Variants in SPAG16 observed in about 807,000 individuals in gnomAD.
SPAG16 encodes sperm associated antigen 16.
In SPAG16, 86 loss-of-function variants were observed where a neutral mutation model predicts 80.4. The ratio of observed to expected loss-of-function variants is 1.07; its 90% CI spans 0.90 to 1.28. SPAG16 has a LOEUF of 1.28. Among genes scored for constraint, SPAG16 ranks in the 50% most tolerant of loss-of-function variants. The pLI is 0.00. For synonymous variants in SPAG16, 294 were observed against 265.9 expected (o/e 1.11, Z -1.03); for missense variants, 870 against 765.3 (o/e 1.14, Z -1.61).
chr2:213,388,656 T>A (rs1481747136), intron 9 of SPAG16, among the ~76,000 whole-genome samples: 2 of 152,144 alleles, frequency 1.3e-5, no homozygotes, highest in Non-Finnish European at 2.9e-5. Context: ...AGACTCCAAA[T>A]TACAACACAA....
chr2:213,513,111 G>GT (rs2075291243), intron 10 of SPAG16, among the ~76,000 whole-genome samples: 1 of 152,098 alleles, frequency 6.6e-6, no homozygotes. Context: ...CCACTGTCAC[G>GT]TGTGTATGTA....
At chr2:213,516,308 G>T (rs570750967) in intron 10 of SPAG16, among the ~76,000 whole-genome samples, 3 of 152,160 alleles carry the variant, frequency 2.0e-5, no homozygotes, top group African/African-American at 7.2e-5. Flanking sequence ...CACCACTGAG[G>T]TCCAATCATT....
chr2:213,968,035 C>T (rs906980293), intron 12 of SPAG16, among the ~76,000 whole-genome samples: 1 of 152,122 alleles, frequency 6.6e-6, no homozygotes, highest in African/African-American at 2.4e-5. Context: ...ACACAGCTGC[C>T]GCAATTTGTT....
In SPAG16 at chr2:213,541,295, A is replaced by C. The variant is rs111621093; in HGVS notation, c.1070+51205A>C. On this transcript the variant is annotated intron_variant, in intron 10 of 15. Coordinates refer to ENST00000331683, the MANE Select transcript of SPAG16 (RefSeq NM_024532.5). ...TTAGGATGCAGAAATTAGGACGCAT[A>C]GAGTGAAAACTGCTGACAGAGTATG... 8.7e-4 allele frequency among the ~76,000 whole-genome samples: 132 copies of C among 152,272 alleles called. 2 individuals are homozygous for C. The highest frequency in any genetic ancestry group is 3.4e-3 in the Middle Eastern group (1 of 294).
intron 15 of SPAG16, among the ~76,000 whole-genome samples, chr2:214,269,461 G>A: frequency 6.6e-6 from 1 of 152,012 alleles, no homozygotes; most frequent in Non-Finnish European, 1.5e-5. Flanking sequence ...GTGTATGTGT[G>A]CATGTGTGTG....
At chr2:214,283,696 T>C (rs1208007812) in intron 15 of SPAG16, among the ~76,000 whole-genome samples, 1 of 152,336 alleles carries the variant, frequency 6.6e-6, no homozygotes, top group African/African-American at 2.4e-5. Flanking sequence ...TCTGCTGATA[T>C]TGGCAGAATT....
At chr2:213,337,502 A>G (rs1011976004) in intron 5 of SPAG16, among the ~76,000 whole-genome samples, 1 of 152,180 alleles carries the variant, frequency 6.6e-6, no homozygotes, top group Non-Finnish European at 1.5e-5. Flanking sequence ...CTGTTTACCA[A>G]CATAACTAGT....
At chr2:214,274,068 G>C (rs1692253657) in intron 15 of SPAG16, among the ~76,000 whole-genome samples, 1 of 152,146 alleles carries the variant, frequency 6.6e-6, no homozygotes, top group South Asian at 2.1e-4. Flanking sequence ...ATTGTGAATG[G>C]GAGTTCTCTC....
intron 10 of SPAG16, among the ~76,000 whole-genome samples, chr2:213,704,658 T>TC (rs1462190075): frequency 7.8e-6 from 1 of 128,374 alleles, no homozygotes; most frequent in Non-Finnish European, 1.7e-5. Flanking sequence ...GAAATAAAGG[T>TC]CCTTTTAAGC....
chr2:213,681,677 G>T (rs1443126528), intron 10 of SPAG16, among the ~76,000 whole-genome samples: 1 of 152,040 alleles, frequency 6.6e-6, no homozygotes, highest in Non-Finnish European at 1.5e-5. Flanking sequence ...TGAGGGCATG[G>T]GTTTCCTCAT....
At chr2:213,295,995 G>T in intron 1 of SPAG16, 69 bp from the exon 2 acceptor site, 1 of 1,337,678 alleles carries the variant, frequency 7.5e-7, no homozygotes, top group East Asian at 2.3e-5. Flanking sequence ...ATATTTGAAG[G>T]TCAAATCAAT....
At chr2:214,387,206 G>A (rs1700809789) in intron 15 of SPAG16, among the ~76,000 whole-genome samples, 1 of 152,034 alleles carries the variant, frequency 6.6e-6, no homozygotes, top group South Asian at 2.1e-4. Context: ...GTGTTCTTAA[G>A]ATGCCATATA....
chr2:214,014,014 T>TC lies in SPAG16; in HGVS notation c.1464_1465insC (p.Phe489LeufsTer25). ...CTGTGAACAGCATTGAGTTTTTTCCTTTCTCCAATACTCTTCTCACAAGCT... is the reference window on the plus strand; with the variant it reads ...CTGTGAACAGCATTGAGTTTTTTCCTCTTCTCCAATACTCTTCTCACAAGCT... On this transcript the variant is annotated frameshift_variant, in exon 13 of 16. Transcript: ENST00000331683. LOFTEE classifies it high-confidence loss of function. 2.5e-6 allele frequency: 4 copies of TC among 1,613,654 alleles called. No individual in the cohort carries two copies. Among genetic ancestry groups the TC allele is most frequent in the Non-Finnish European group, 3.4e-6 (4 of 1,179,776 alleles).
chr2:213,350,745 C>A, intron 7 of SPAG16, 100 bp downstream of exon 7: 1 of 677,894 alleles, frequency 1.5e-6, no homozygotes, highest in Non-Finnish European at 2.4e-6. Context: ...AATTTTAAAA[C>A]ATTTTCAACC....
At chr2:214,328,882 G>T (rs1696687961) in intron 15 of SPAG16, among the ~76,000 whole-genome samples, 1 of 152,078 alleles carries the variant, frequency 6.6e-6, no homozygotes, top group Non-Finnish European at 1.5e-5. Context: ...ACGGGGGAAG[G>T]CACTTTATGT....
At chr2:214,045,121 A>G (rs2049243426) in intron 13 of SPAG16, among the ~76,000 whole-genome samples, 1 of 152,068 alleles carries the variant, frequency 6.6e-6, no homozygotes, top group Non-Finnish European at 1.5e-5. Flanking sequence ...CTTGTGCCCC[A>G]AAAGAGACCC....
At chr2:214,101,256 G>T (rs1326483397) in intron 13 of SPAG16, among the ~76,000 whole-genome samples, 2 of 152,028 alleles carry the variant, frequency 1.3e-5, no homozygotes, top group African/African-American at 4.8e-5. Flanking sequence ...AGTCAGGCTA[G>T]GCTAGCTTGT....
At chr2:213,343,256 A>G (rs2064791803) in intron 6 of SPAG16, among the ~76,000 whole-genome samples, 1 of 152,132 alleles carries the variant, frequency 6.6e-6, no homozygotes, top group Admixed American at 6.6e-5. Context: ...GCATTTACTT[A>G]ATATCCTCCA....
chr2:213,688,121 C>T (rs902970555), intron 10 of SPAG16, among the ~76,000 whole-genome samples: 2 of 152,046 alleles, frequency 1.3e-5, no homozygotes, highest in African/African-American at 4.8e-5. Context: ...GATTTCCAGG[C>T]TATAGGTGGT....
Sources: allele counts gnomAD v4.1 joint callset (sites outside exome capture counted in the v4.1 genomes callset), GRCh38; gene constraint gnomAD v4.1.1; transcripts MANE v1.5; gene names NCBI Gene and HGNC (gene_info 2026-07-23, HGNC 2026-07-21).